Variants in SOX5 observed in about 807,000 individuals in gnomAD.
The protein encoded by SOX5 is SRY-box transcription factor 5.
Under a neutral mutation model 92.0 loss-of-function variants are expected in SOX5, and 9 were observed. That is an observed-to-expected ratio of 0.10 (90% confidence interval 0.06 to 0.17). SOX5 has a LOEUF of 0.17. Ranked by LOEUF, SOX5 falls within the 10% of genes least tolerant of loss-of-function variation. The probability of loss-of-function intolerance (pLI) is 1.00; values close to 1 mark genes in which losing one functional copy is unlikely to be tolerated. For missense variants in SOX5, 642 were observed against 944.5 expected (o/e 0.68, Z 4.20); for synonymous variants, 344 against 336.3 (o/e 1.02, Z -0.25).
intron 2 of SOX5, among the ~76,000 whole-genome samples, chr12:24,325,003 A>T (rs1950545991): frequency 6.6e-6 from 1 of 152,122 alleles, no homozygotes; most frequent in African/African-American, 2.4e-5. Flanking sequence ...AGGCACCAAG[A>T]GTGAACCAAA....
chr12:23,818,614 C>T (rs932474201), intron 3 of SOX5, among the ~76,000 whole-genome samples: 7 of 151,970 alleles, frequency 4.6e-5, no homozygotes, highest in African/African-American at 1.7e-4. Flanking sequence ...ATGAATTAAC[C>T]TTAGCTTACT....
At chr12:23,722,526 A>G (rs941210615) in intron 6 of SOX5, among the ~76,000 whole-genome samples, 2 of 152,216 alleles carry the variant, frequency 1.3e-5, no homozygotes, top group African/African-American at 4.8e-5. Flanking sequence ...TGGAAATTTC[A>G]TCACAAATGT....
intron 4 of SOX5, among the ~76,000 whole-genome samples, chr12:24,083,879 G>C (rs1943654768): frequency 6.6e-6 from 1 of 152,036 alleles, no homozygotes; most frequent in Non-Finnish European, 1.5e-5. Context: ...ATCTAGGCTG[G>C]AGCCATAGAG....
intron 4 of SOX5, among the ~76,000 whole-genome samples, chr12:24,041,685 T>C (rs1312037196): frequency 6.6e-6 from 1 of 152,016 alleles, no homozygotes; most frequent in East Asian, 1.9e-4. Flanking sequence ...AAGATCCTTA[T>C]GTAAATTAAA....
intron 4 of SOX5, among the ~76,000 whole-genome samples, chr12:23,958,868 T>C (rs967002409): frequency 4.0e-5 from 6 of 151,730 alleles, no homozygotes; most frequent in African/African-American, 7.2e-5. Flanking sequence ...AGAATTACTG[T>C]GGGGAACAAA....
intron 3 of SOX5, among the ~76,000 whole-genome samples, chr12:24,226,561 C>T (rs1373409117): frequency 6.6e-6 from 1 of 152,112 alleles, no homozygotes; most frequent in Non-Finnish European, 1.5e-5. Flanking sequence ...ACCTCTTTCT[C>T]CTGGGTTCAA....
At chr12:24,162,902 G>C (rs761749855) in intron 4 of SOX5, among the ~76,000 whole-genome samples, 4 of 152,128 alleles carry the variant, frequency 2.6e-5, no homozygotes, top group Non-Finnish European at 5.9e-5. Flanking sequence ...CAGATGATGG[G>C]CACTGATGCC....
chr12:23,645,886 G>T (rs949043087), intron 7 of SOX5, among the ~76,000 whole-genome samples: 1 of 152,092 alleles, frequency 6.6e-6, no homozygotes, highest in African/African-American at 2.4e-5. Context: ...CCACAATAAA[G>T]CAAGTAGCAC....
chr12:23,982,944 A>G (rs529235914), intron 4 of SOX5, among the ~76,000 whole-genome samples: 3 of 152,034 alleles, frequency 2.0e-5, no homozygotes, highest in South Asian at 4.2e-4. Context: ...GCCACTGGCT[A>G]CTCTATGGAA....
At chr12:23,777,997 C>T (rs2095161111) in intron 3 of SOX5, among the ~76,000 whole-genome samples, 1 of 152,064 alleles carries the variant, frequency 6.6e-6, no homozygotes, top group African/African-American at 2.4e-5. Flanking sequence ...CACAAATCAA[C>T]AACTTCATCT....
chr12:23,663,275 G>T (rs886589447), intron 7 of SOX5, among the ~76,000 whole-genome samples: 7 of 152,152 alleles, frequency 4.6e-5, no homozygotes, highest in Non-Finnish European at 8.8e-5. Flanking sequence ...GGTTACAAAA[G>T]AAGGGGTATC....
At chr12:24,005,606 C>T (rs187758109) in intron 4 of SOX5, among the ~76,000 whole-genome samples, 30 of 152,224 alleles carry the variant, frequency 2.0e-4, no homozygotes, top group East Asian at 7.7e-4. Context: ...TAAAACAGGT[C>T]TTCTATTCTG....
At chr12:23,988,559 G>A (rs890063766) in intron 4 of SOX5, among the ~76,000 whole-genome samples, 5 of 152,146 alleles carry the variant, frequency 3.3e-5, no homozygotes, top group African/African-American at 1.2e-4. Flanking sequence ...ATACGAAGGG[G>A]CCAATTAAGG....
At chr12:23,987,840 T>C (rs1028451769) in intron 4 of SOX5, among the ~76,000 whole-genome samples, 5 of 151,972 alleles carry the variant, frequency 3.3e-5, no homozygotes, top group Non-Finnish European at 2.9e-5. Context: ...GTAAAATAGA[T>C]GATGGGAATT....
intron 2 of SOX5, among the ~76,000 whole-genome samples, chr12:24,320,927 A>C (rs1950164735): frequency 6.6e-6 from 1 of 152,120 alleles, no homozygotes; most frequent in Non-Finnish European, 1.5e-5. Flanking sequence ...CGATGTATTA[A>C]GAAGTCGTGA....
chr12:23,648,481 G>T (rs1044045439), intron 7 of SOX5, among the ~76,000 whole-genome samples: 1 of 152,296 alleles, frequency 6.6e-6, no homozygotes, highest in African/African-American at 2.4e-5. Context: ...AGCCTTTAAA[G>T]AGCTAATTTA....
At chr12:23,650,789 C>G (rs1263224579) in intron 7 of SOX5, among the ~76,000 whole-genome samples, 1 of 152,034 alleles carries the variant, frequency 6.6e-6, no homozygotes, top group East Asian at 1.9e-4. Context: ...TTATGTTTTC[C>G]TTTGAAGACA....
At chr12:23,554,645 C>A (rs1944800875) in intron 11 of SOX5, among the ~76,000 whole-genome samples, 1 of 152,000 alleles carries the variant, frequency 6.6e-6, no homozygotes, top group African/African-American at 2.4e-5. Context: ...TGTTAAGGTA[C>A]AAAATAAATA....
At chr12:24,002,770 T>C (rs1951737379) in intron 4 of SOX5, among the ~76,000 whole-genome samples, 1 of 152,140 alleles carries the variant, frequency 6.6e-6, no homozygotes. Flanking sequence ...GTACCAGTTC[T>C]TCATAAACTC....
Sources: gnomAD v4.1 joint callset for allele counts (sites outside exome capture counted in the v4.1 genomes callset) on GRCh38, gnomAD v4.1.1 for gene constraint, MANE v1.5 for transcripts, NCBI Gene and HGNC (gene_info 2026-07-23, HGNC 2026-07-21) for gene names.